The following FAM118B variants were observed in gnomAD, a reference collection of about 807,000 sequenced individuals.
The protein encoded by FAM118B is protein FAM118B.
In FAM118B, 24 loss-of-function variants were observed where a neutral mutation model predicts 38.5. That is an observed-to-expected ratio of 0.62 (90% CI 0.45 to 0.88). FAM118B has a LOEUF of 0.88. Among genes scored for constraint, FAM118B ranks in the 40% least tolerant of loss-of-function variants. The pLI, the probability that FAM118B is intolerant of heterozygous loss-of-function variation, is 0.00. For synonymous variants in FAM118B, 138 were observed against 156.3 expected (o/e 0.88, Z 0.87); for missense variants, 334 against 420.0 (o/e 0.80, Z 1.79).
intron 1 of FAM118B, among the ~76,000 whole-genome samples, chr11:126,222,038 G>A (rs555411133): frequency 3.3e-5 from 5 of 151,966 alleles, no homozygotes; most frequent in South Asian, 4.2e-4. Context: ...TGTGGCCCAC[G>A]GCTTGTTCGT....
rs565300065 is a variant in FAM118B, at chr11:126,225,404, G to A, written c.-76-3821G>A. The stretch of plus-strand genomic sequence containing the variant: ...ATTGCCCAAGTTGTGTGTACATCAC[G>A]TGTATTCTGTGGGTGTAGAGCATCA... On this transcript the variant is annotated intron_variant, in intron 1 of 8. Transcript: ENST00000533050. 4.6e-5 allele frequency among the ~76,000 whole-genome samples: 7 copies of A among 152,272 alleles called. No individual in the cohort carries two copies. The South Asian group carries it at 8.3e-4, about 18-fold the overall frequency.
intron 5 of FAM118B, among the ~76,000 whole-genome samples, chr11:126,251,052 G>C (rs1950497232): frequency 6.6e-6 from 1 of 152,174 alleles, no homozygotes; most frequent in South Asian, 2.1e-4. Flanking sequence ...TATTGATAAT[G>C]CTGGTTCTAT....
chr11:126,215,696 C>A (rs79234105), intron 1 of FAM118B, among the ~76,000 whole-genome samples: 1,398 of 93,282 alleles, frequency 0.015, no homozygotes, highest in African/African-American at 0.018. Flanking sequence ...GACTCCGTCT[C>A]AAAAAAAAAA....
intron 7 of FAM118B, among the ~76,000 whole-genome samples, chr11:126,258,732 T>C (rs1950621317): frequency 6.6e-6 from 1 of 152,248 alleles, no homozygotes; most frequent in Non-Finnish European, 1.5e-5. Context: ...GACATACATA[T>C]CCAAGTTCTA....
intron 7 of FAM118B, among the ~76,000 whole-genome samples, chr11:126,259,869 C>G (rs1198245587): frequency 6.6e-6 from 1 of 150,512 alleles, no homozygotes; most frequent in East Asian, 2.0e-4. Flanking sequence ...TAAAGGCGCC[C>G]GCCACCACAC....
At chr11:126,221,390 G>A (rs1316592536) in intron 1 of FAM118B, among the ~76,000 whole-genome samples, 1 of 152,060 alleles carries the variant, frequency 6.6e-6, no homozygotes, top group Non-Finnish European at 1.5e-5. Flanking sequence ...ACATATGTTG[G>A]TGCTTAAAAC....
At chr11:126,249,142 G>T (rs1950462588) in intron 4 of FAM118B, among the ~76,000 whole-genome samples, 2 of 152,290 alleles carry the variant, frequency 1.3e-5, no homozygotes, top group Admixed American at 1.3e-4. Context: ...GGAGGCTGAG[G>T]TGGGAGGATC....
chr11:126,221,381 C>G (rs1950060273), intron 1 of FAM118B, among the ~76,000 whole-genome samples: 1 of 151,978 alleles, frequency 6.6e-6, no homozygotes, highest in Admixed American at 6.5e-5. Context: ...TCAGTAAATA[C>G]ATATGTTGGT....
At chr11:126,223,427 T>C (rs1017834904) in intron 1 of FAM118B, among the ~76,000 whole-genome samples, 12 of 151,526 alleles carry the variant, frequency 7.9e-5, no homozygotes, top group African/African-American at 2.4e-4. Flanking sequence ...TGAAACCCCA[T>C]CTCTACTAAA....
At chr11:126,254,277 C>T in intron 5 of FAM118B, 28 bp from the exon 6 acceptor site, 4 of 1,607,738 alleles carry the variant, frequency 2.5e-6, no homozygotes, top group Non-Finnish European at 3.4e-6. Flanking sequence ...CCCTGCCAAG[C>T]TGGTTGGGCT....
At chr11:126,228,683 C>A (rs1336922881) in intron 1 of FAM118B, among the ~76,000 whole-genome samples, 1 of 152,094 alleles carries the variant, frequency 6.6e-6, no homozygotes, top group African/African-American at 2.4e-5. Context: ...CCTCAGCCTC[C>A]CGAGTAGCTG....
At chr11:126,227,021 AAG>A (rs1188637929) in intron 1 of FAM118B, among the ~76,000 whole-genome samples, 1 of 151,134 alleles carries the variant, frequency 6.6e-6, no homozygotes. Context: ...GATAAATTGA[AAG>A]AGAGAAATTG....
At chr11:126,240,723 CAG>C in intron 3 of FAM118B, 67 bp from the exon 4 acceptor site, 1 of 1,451,624 alleles carries the variant, frequency 6.9e-7, no homozygotes, top group Non-Finnish European at 9.2e-7. Flanking sequence ...TAACCTGAGT[CAG>C]ACAGTCTTTC....
chr11:126,250,654 A>C lies in FAM118B; in HGVS notation c.488A>C (p.Asn163Thr). ...AATGGAGCCCTCGTATTAACTACAAATTTTGATAATCTCTTGGAACTGTAT... is the reference window on the plus strand; with the variant it reads ...AATGGAGCCCTCGTATTAACTACAACTTTTGATAATCTCTTGGAACTGTAT... ...MENGALVLTT[N>T]FDNLLELYAA... Residue 163 changes from asparagine (N) to threonine (T), a missense_variant, in exon 5 of 9, where the codon AAT becomes ACT. Physicochemically the swap from Asn to Thr is moderately conservative, Grantham distance 65 (BLOSUM62 0). Coordinates refer to ENST00000533050, the MANE Select transcript of FAM118B (RefSeq NM_024556.4). The surrounding 1 kb of genome is among the most constrained non-coding windows in gnomAD (Gnocchi z 5.1). 1 of 1,614,140 alleles carries C rather than the reference A, an allele frequency of 6.2e-7. No individual in the cohort carries two copies. The highest frequency in any genetic ancestry group is 8.5e-7 in the Non-Finnish European group (1 of 1,180,016).
At chr11:126,216,472 CCT>C (rs1949980598) in intron 1 of FAM118B, among the ~76,000 whole-genome samples, 2 of 152,284 alleles carry the variant, frequency 1.3e-5, no homozygotes, top group South Asian at 4.1e-4. Context: ...TTCCTCTTTT[CCT>C]CTGTCTTTAC....
chr11:126,215,421 A>C (rs1949965140), intron 1 of FAM118B, among the ~76,000 whole-genome samples: 1 of 152,184 alleles, frequency 6.6e-6, no homozygotes, highest in Admixed American at 6.5e-5. Context: ...ATTTCTGGCC[A>C]GGCGCGGTGG....
chr11:126,261,255 T>G, intron 7 of FAM118B, 170 bp from the exon 8 acceptor site: 2 of 597,162 alleles, frequency 3.3e-6, no homozygotes, highest in Admixed American at 2.9e-5. Flanking sequence ...GTCTAAAGAC[T>G]ACTCCAGTTT....
In FAM118B at chr11:126,253,431, G is replaced by C. The variant is rs982435248; in HGVS notation, c.568-874G>C. 6.6e-6 allele frequency among the ~76,000 whole-genome samples: 1 copy of C among 152,184 alleles called. No homozygotes were observed. Among genetic ancestry groups the C allele is most frequent in the Non-Finnish European group, 1.5e-5 (1 of 68,044 alleles). ...TGGGAAAATGGAGCCATGGAATCAGGTGGCTATTGCATTCGCTGTTGTCTA... is the reference window on the plus strand; with the variant it reads ...TGGGAAAATGGAGCCATGGAATCAGCTGGCTATTGCATTCGCTGTTGTCTA... On this transcript the variant is annotated intron_variant, in intron 5 of 8. Transcript: ENST00000533050. This position sits in a 1 kb window ranked among gnomAD's most constrained non-coding sequence, Gnocchi z 5.1.
Position 126,250,818 on chromosome 11 carries a change from A to G in FAM118B, c.567+85A>G. ...GCTCTTTTCTAGTTGGTATATTGGT[A>G]TTTATGTAGAGCTAGAAAGGAAAAA... On this transcript the variant is annotated intron_variant, in intron 5 of 8. Transcript: ENST00000533050. The surrounding 1 kb of genome is among the most constrained non-coding windows in gnomAD (Gnocchi z 5.1). 9.3e-7 allele frequency: 1 copy of G among 1,077,198 alleles called. No individual in the cohort carries two copies. Among genetic ancestry groups the G allele is most frequent in the Non-Finnish European group, 1.3e-6 (1 of 754,446 alleles). The allele number at this position is 1,077,198 out of a possible 1,614,324, so 66.7% of individuals were successfully genotyped here.
Sources: gnomAD v4.1 joint callset for allele counts (sites outside exome capture counted in the v4.1 genomes callset) on GRCh38, gnomAD v4.1.1 for gene constraint, Gnocchi (gnomAD v3.1) non-coding constraint, MANE v1.5 for transcripts, NCBI Gene and HGNC (gene_info 2026-07-23, HGNC 2026-07-21) for gene names.